Variants in NALCN observed in about 807,000 individuals in gnomAD.
NALCN encodes the protein sodium leak channel NALCN.
In NALCN, 111 loss-of-function variants were observed where a neutral mutation model predicts 225.3. The ratio of observed to expected loss-of-function variants is 0.49; its 90% CI spans 0.42 to 0.58. NALCN has a LOEUF of 0.58. Ranked by LOEUF, NALCN falls within the 20% of genes least tolerant of loss-of-function variation. The probability of loss-of-function intolerance (pLI) is 0.00; values close to 1 mark genes in which losing one functional copy is unlikely to be tolerated. For missense variants in NALCN, 1,378 were observed against 2,202.4 expected (o/e 0.63, Z 7.49); for synonymous variants, 764 against 769.0 (o/e 0.99, Z 0.11).
At chr13:101,108,642 C>T (rs1376166561) in intron 20 of NALCN, among the ~76,000 whole-genome samples, 2 of 152,114 alleles carry the variant, frequency 1.3e-5, no homozygotes. Context: ...TAGGAGCAGG[C>T]CTGGCGTGTC....
At chr13:101,272,693 G>A (rs749703140) in intron 10 of NALCN, among the ~76,000 whole-genome samples, 63 of 152,146 alleles carry the variant, frequency 4.1e-4, no homozygotes, top group Non-Finnish European at 8.1e-4. Flanking sequence ...TTGGTTTGGA[G>A]GTTTCTGGAA....
chr13:101,271,185 T>C (rs2042763883), intron 10 of NALCN, among the ~76,000 whole-genome samples: 1 of 152,134 alleles, frequency 6.6e-6, no homozygotes, highest in Non-Finnish European at 1.5e-5. Context: ...GTAAGACAGA[T>C]AAACAAATAA....
chr13:101,247,594 C>T (rs2041935210), intron 11 of NALCN, among the ~76,000 whole-genome samples: 1 of 151,998 alleles, frequency 6.6e-6, no homozygotes, highest in South Asian at 2.1e-4. Context: ...TTAATTTTGT[C>T]AAACTTTTTT....
chr13:101,086,783 G>T (rs2033953672), intron 30 of NALCN, among the ~76,000 whole-genome samples: 1 of 151,848 alleles, frequency 6.6e-6, no homozygotes, highest in South Asian at 2.1e-4. Context: ...TACATTTTGG[G>T]ATTTGGAAGT....
chr13:101,075,560 G>A (rs1021703402), intron 35 of NALCN, among the ~76,000 whole-genome samples: 99 of 151,308 alleles, frequency 6.5e-4, no homozygotes, highest in African/African-American at 2.2e-3. Context: ...AAATAAAAAT[G>A]CATTAAGAAA....
chr13:101,253,048 A>T (rs1426923808), intron 11 of NALCN, among the ~76,000 whole-genome samples: 1 of 152,110 alleles, frequency 6.6e-6, no homozygotes, highest in Non-Finnish European at 1.5e-5. Flanking sequence ...AAATGTAATC[A>T]TGTTCATTAT....
chr13:101,062,648 G>C (rs544155247), intron 40 of NALCN, among the ~76,000 whole-genome samples: 13 of 152,206 alleles, frequency 8.5e-5, no homozygotes, highest in Admixed American at 8.5e-4. Context: ...TTGTTGACCA[G>C]GCTGGAGTGT....
At chr13:101,276,192 G>A (rs1001585060) in intron 10 of NALCN, among the ~76,000 whole-genome samples, 1 of 151,934 alleles carries the variant, frequency 6.6e-6, no homozygotes, top group African/African-American at 2.4e-5. Context: ...AGGATGGGAG[G>A]GGGTTTTTCA....
intron 7 of NALCN, among the ~76,000 whole-genome samples, chr13:101,338,557 C>T (rs1444769357): frequency 2.6e-5 from 4 of 152,152 alleles, no homozygotes; most frequent in African/African-American, 9.7e-5. Context: ...GTTCTCATCT[C>T]TTGTACCAAA....
At chr13:101,341,043 C>A (rs192114249) in intron 7 of NALCN, among the ~76,000 whole-genome samples, 157 of 152,148 alleles carry the variant, frequency 1.0e-3, no homozygotes, top group African/African-American at 3.6e-3. Context: ...TTTTTAACTG[C>A]TAAAATGTGA....
chr13:101,082,631 G>A (rs2139513199), intron 33 of NALCN, among the ~76,000 whole-genome samples, 178 bp downstream of exon 33: 1 of 152,246 alleles, frequency 6.6e-6, no homozygotes, highest in Middle Eastern at 3.4e-3. Flanking sequence ...AAAATCTGAT[G>A]GATAAAGTGA....
chr13:101,104,633 A>G lies in NALCN; in HGVS notation c.2654T>C (p.Val885Ala). The G allele has an allele frequency of 6.2e-7, 1 of 1,613,940 alleles. No individual in the cohort carries two copies. Among genetic ancestry groups the G allele is most frequent in the South Asian group, 1.1e-5 (1 of 91,070 alleles). The change falls in exon 24 of 44, where the codon GTC (valine) becomes GCC (alanine). Residue 885 changes from valine (V) to alanine (A), a missense_variant. This residue lies in a region of NALCN where 292 missense variants were observed against 409.5 expected (regional missense o/e 0.71). Transcript: ENST00000251127. The surrounding 1 kb of genome is among the most constrained non-coding windows in gnomAD (Gnocchi z 4.2). ...GATCATGACCCAGTCCAGGTAAGTG[A>G]CCAATCCCAGCAAATCACTGCCAAA... The part of the protein sequence containing the change: ...YHQLYDLLGL[V>A]TYLDWVMIIV...
intron 14 of NALCN, among the ~76,000 whole-genome samples, chr13:101,190,601 TCTA>T (rs2039642965): frequency 6.6e-6 from 1 of 152,212 alleles, no homozygotes; most frequent in Admixed American, 6.5e-5. Flanking sequence ...TCTATGTAGT[TCTA>T]CTGTTTGAGC....
intron 7 of NALCN, among the ~76,000 whole-genome samples, chr13:101,308,760 G>T (rs2044239158): frequency 6.6e-6 from 1 of 152,170 alleles, no homozygotes; most frequent in Non-Finnish European, 1.5e-5. Flanking sequence ...ATATGAAGCA[G>T]ATTGGACGGT....
intron 17 of NALCN, chr13:101,142,865 C>T (rs776540268): frequency 9.0e-6 from 5 of 556,858 alleles, no homozygotes; most frequent in South Asian, 4.0e-5. Flanking sequence ...ATGGCTGCCA[C>T]GTGGCGCAGC....
chr13:101,299,436 T>C (rs1441751665), intron 7 of NALCN, among the ~76,000 whole-genome samples: 1 of 152,180 alleles, frequency 6.6e-6, no homozygotes, highest in African/African-American at 2.4e-5. Flanking sequence ...TTTTGTTTGT[T>C]TGTTTGTTTG....
intron 7 of NALCN, among the ~76,000 whole-genome samples, chr13:101,299,400 C>T (rs2043869844): frequency 6.6e-6 from 1 of 152,010 alleles, no homozygotes; most frequent in South Asian, 2.1e-4. Context: ...CTGAACTGTC[C>T]CAAGACAAAC....
In NALCN at chr13:101,258,464, G is replaced by A. The variant is rs1426944195; in HGVS notation, c.1245C>T (p.Tyr415=). 9 of 1,613,958 alleles carry A rather than the reference G, an allele frequency of 5.6e-6. No homozygotes were observed. The Admixed American group carries it at 6.7e-5, about 12-fold the overall frequency. Residue 415 remains tyrosine (Y), a synonymous_variant, in exon 11 of 44, where the codon TAC becomes TAT. Transcript: ENST00000251127. ...YYKGENFRRQ[Y]DEFYLAEVAF... Reference sequence around the variant, plus strand: ...TTACCTCCGCCAGGTAGAACTCGTCGTACTGCCTCCTGAAGTTTTCTCCTT... The same window carrying A: ...TTACCTCCGCCAGGTAGAACTCGTCATACTGCCTCCTGAAGTTTTCTCCTT...
chr13:101,352,462 CAGAA>C (rs1171787390), intron 6 of NALCN, among the ~76,000 whole-genome samples: 2 of 152,006 alleles, frequency 1.3e-5, no homozygotes, highest in African/African-American at 2.4e-5. Flanking sequence ...GAGAGAGTGA[CAGAA>C]AGAAAGAGAG....
Sources: gnomAD v4.1 joint callset for allele counts (sites outside exome capture counted in the v4.1 genomes callset) on GRCh38, gnomAD v4.1.1 for gene constraint, gnomAD v4.1.1 regional missense constraint, Gnocchi (gnomAD v3.1) non-coding constraint, MANE v1.5 for transcripts, NCBI Gene and HGNC (gene_info 2026-07-23, HGNC 2026-07-21) for gene names.